ASH1L: variants seen among roughly 807,000 people sequenced by gnomAD.
The protein encoded by ASH1L is histone-lysine N-methyltransferase ASH1L.
In ASH1L, 23 loss-of-function variants were observed where a neutral mutation model predicts 269.0. The ratio of observed to expected loss-of-function variants is 0.09; its 90% CI spans 0.06 to 0.12. The LOEUF (loss-of-function observed/expected upper bound fraction) is 0.12, where lower values mean the gene tolerates loss of function less well. ASH1L is among the 10% of genes least tolerant of loss of function. The pLI, the probability that ASH1L is intolerant of heterozygous loss-of-function variation, is 1.00. For synonymous variants in ASH1L, 1,187 were observed against 1,253.5 expected (o/e 0.95, Z 1.12); for missense variants, 2,912 against 3,567.8 (o/e 0.82, Z 4.68).
At chr1:155,427,513 AGGCTG>A (rs1661250357) in intron 5 of ASH1L, among the ~76,000 whole-genome samples, 1 of 152,098 alleles carries the variant, frequency 6.6e-6, no homozygotes, top group East Asian at 1.9e-4. Context: ...CGTGTTGGCC[AGGCTG>A]GTCTCAAATT....
intron 7 of ASH1L, among the ~76,000 whole-genome samples, 177 bp from the exon 8 acceptor site, chr1:155,380,293 G>A (rs1025937271): frequency 2.0e-5 from 3 of 151,916 alleles, no homozygotes; most frequent in African/African-American, 7.3e-5. Context: ...TACTCCACAC[G>A]ATATATGCCG....
intron 1 of ASH1L, among the ~76,000 whole-genome samples, chr1:155,522,495 T>G (rs1327273405): frequency 6.6e-6 from 1 of 152,140 alleles, no homozygotes; most frequent in Non-Finnish European, 1.5e-5. Flanking sequence ...TTTTACAAGT[T>G]TTCCTAATAG....
intron 4 of ASH1L, among the ~76,000 whole-genome samples, chr1:155,458,369 G>A (rs1664019051): frequency 6.6e-6 from 1 of 152,178 alleles, no homozygotes; most frequent in Non-Finnish European, 1.5e-5. Context: ...TTCCAACTGT[G>A]TTTAAGGCTC....
intron 4 of ASH1L, among the ~76,000 whole-genome samples, chr1:155,451,307 T>A (rs1031598988): frequency 2.0e-5 from 3 of 152,120 alleles, no homozygotes; most frequent in African/African-American, 7.2e-5. Context: ...ATGGTTCCAC[T>A]TTAGTGGGTG....
At chr1:155,423,918 G>C (rs1166488971) in intron 5 of ASH1L, among the ~76,000 whole-genome samples, 1 of 152,034 alleles carries the variant, frequency 6.6e-6, no homozygotes, top group Admixed American at 6.6e-5. Flanking sequence ...GTAGAGACAG[G>C]GTTTCACCAT....
At chr1:155,458,268 T>C (rs1210776780) in intron 4 of ASH1L, among the ~76,000 whole-genome samples, 3 of 152,232 alleles carry the variant, frequency 2.0e-5, no homozygotes, top group African/African-American at 7.2e-5. Flanking sequence ...AATACCATAT[T>C]GATACAATTT....
At chr1:155,348,320 A>C (rs779897837) in intron 19 of ASH1L, among the ~76,000 whole-genome samples, 1 of 152,094 alleles carries the variant, frequency 6.6e-6, no homozygotes, top group African/African-American at 2.4e-5. Context: ...AGAATGTTAC[A>C]ATTTAAGATT....
At chr1:155,514,512 T>C (rs1038219651) in intron 2 of ASH1L, among the ~76,000 whole-genome samples, 3 of 152,108 alleles carry the variant, frequency 2.0e-5, no homozygotes, top group African/African-American at 7.2e-5. Flanking sequence ...TTTCTCACTT[T>C]ATGTTTTTTT....
Position 155,354,607 on chromosome 1 carries a change from A to G in ASH1L, c.7079T>C (p.Val2360Ala). The part of the protein sequence containing the change: ...RERNFVLKHH[V>A]FLVRNWEKIR... ...CTTCTCCCAGTTTCGGACCAAGAATACATGATGCTTTAACACAAAGTTCCT... is the reference window on the plus strand; with the variant it reads ...CTTCTCCCAGTTTCGGACCAAGAATGCATGATGCTTTAACACAAAGTTCCT... The change falls in exon 16 of 28, where the codon GTA becomes GCA. Residue 2360 changes from valine (V) to alanine (A), a missense_variant. Transcript: ENST00000392403. 1 of 1,612,016 alleles carries G rather than the reference A, an allele frequency of 6.2e-7. No individual in the cohort carries two copies. The highest frequency in any genetic ancestry group is 1.1e-5 in the South Asian group (1 of 90,376).
In ASH1L at chr1:155,338,350, C is replaced by A. The variant is rs766982208; in HGVS notation, c.8542G>T (p.Asp2848Tyr). ...KSERSKPPLK[D>Y]LGQEDDALPL... ...AGAGCATCATCCTCCTGGCCCAAGT[C>A]TTTTAGGGGTGGCTTTGAGCGCTCA... Residue 2848 changes from aspartate to tyrosine, a missense_variant, in exon 27 of 28, where the codon GAC becomes TAC. Physicochemically the swap from Asp to Tyr is radical, Grantham distance 160. Around this residue, in one of 13 missense-constraint regions of ASH1L, gnomAD observed 154 missense variants for 165.0 expected, o/e 0.93. Transcript: ENST00000392403. The A allele has an allele frequency of 6.2e-7, 1 of 1,613,894 alleles. No individual in the cohort carries two copies. Among genetic ancestry groups the A allele is most frequent in the South Asian group, 1.1e-5 (1 of 91,064 alleles).
chr1:155,424,493 C>T (rs535185976), intron 5 of ASH1L, among the ~76,000 whole-genome samples: 74 of 151,928 alleles, frequency 4.9e-4, no homozygotes, highest in Non-Finnish European at 9.4e-4. Flanking sequence ...CTGCAACCTC[C>T]GCCTCCTGGA....
At chr1:155,468,797 G>A (rs1238481320) in intron 3 of ASH1L, among the ~76,000 whole-genome samples, 1 of 152,012 alleles carries the variant, frequency 6.6e-6, no homozygotes. Context: ...AGACCGAGAA[G>A]ATCACTTAAA....
At chr1:155,339,061 TA>T (rs1314560802) in intron 26 of ASH1L, among the ~76,000 whole-genome samples, 1 of 152,248 alleles carries the variant, frequency 6.6e-6, no homozygotes, top group African/African-American at 2.4e-5. Flanking sequence ...TACAGACATC[TA>T]AAAGAAACTT....
chr1:155,340,879 C>A (rs1652732352), intron 25 of ASH1L, among the ~76,000 whole-genome samples: 1 of 151,510 alleles, frequency 6.6e-6, no homozygotes. Context: ...AAGTGATCCT[C>A]CTGTCTCAGC....
At chr1:155,364,750 G>C (rs545715768) in intron 12 of ASH1L, among the ~76,000 whole-genome samples, 1 of 151,836 alleles carries the variant, frequency 6.6e-6, no homozygotes, top group South Asian at 2.1e-4. Flanking sequence ...GACCAGCCTG[G>C]ACAACATGGC....
chr1:155,517,984 T>A (rs976817145), intron 2 of ASH1L, among the ~76,000 whole-genome samples: 1 of 151,328 alleles, frequency 6.6e-6, no homozygotes, highest in Non-Finnish European at 1.5e-5. Flanking sequence ...GTATTTTTAG[T>A]AGAGACAGGG....
Position 155,480,606 on chromosome 1 carries a change from G to T in ASH1L, c.2264C>A (p.Ser755Tyr). 6.2e-7 allele frequency: 1 copy of T among 1,614,110 alleles called. No homozygotes were observed. Among genetic ancestry groups the T allele is most frequent in the Non-Finnish European group, 8.5e-7 (1 of 1,179,976 alleles). ...GTTTTTCATAAACTTGGCTGGCTCA[G>T]AATTACTATTTGATAGTGAGCTACA... ...VSCSSLSNSN[S>Y]EPAKFMKNIG... The change falls in exon 3 of 28, where the codon TCT becomes TAT. Residue 755 changes from serine to tyrosine, a missense_variant. By Grantham distance (144) the Ser-to-Tyr change is moderately radical. Transcript: ENST00000392403.
chr1:155,357,373 T>C lies in ASH1L; in HGVS notation c.6998A>G (p.Asn2333Ser), dbSNP rs1005582731. Reference sequence around the variant, plus strand: ...TTGGGGGGTCAATCTAGTTGGGGTGTTGATATTTTCACTGGGTTCCTCAGA... The same window carrying C: ...TTGGGGGGTCAATCTAGTTGGGGTGCTGATATTTTCACTGGGTTCCTCAGA... The part of the protein sequence containing the change: ...HLSEEPSENI[N>S]TPTRLTPQLQ... Residue 2333 changes from asparagine (N) to serine (S), a missense_variant, in exon 15 of 28, where the codon AAC becomes AGC. Asn to Ser is a conservative substitution (Grantham distance 46, BLOSUM62 1). This residue lies in a region of ASH1L where 309 missense variants were observed against 435.1 expected (regional missense o/e 0.71). Transcript: ENST00000392403. The C allele has an allele frequency of 6.2e-7, 1 of 1,613,912 alleles. No individual in the cohort carries two copies. Among genetic ancestry groups the C allele is most frequent in the African/African-American group, 1.3e-5 (1 of 74,906 alleles).
intron 12 of ASH1L, among the ~76,000 whole-genome samples, chr1:155,367,785 A>T (rs769551239): frequency 6.6e-6 from 1 of 152,200 alleles, no homozygotes; most frequent in African/African-American, 2.4e-5. Flanking sequence ...TAAACCAAAC[A>T]ATCTTTTATT....
Sources: allele counts gnomAD v4.1 joint callset (sites outside exome capture counted in the v4.1 genomes callset), GRCh38; gene constraint gnomAD v4.1.1; regional missense constraint gnomAD v4.1.1; transcripts MANE v1.5; gene names NCBI Gene and HGNC (gene_info 2026-07-23, HGNC 2026-07-21).